Variants in LANCL2 observed in about 807,000 individuals in gnomAD.
LANCL2 encodes LanC like glutathione S-transferase 2, also known as lanC-like protein 2.
LANCL2 carries 33 observed loss-of-function variants against 56.9 expected under a neutral mutation model. The observed-to-expected ratio is 0.58, with a 90% CI of 0.44 to 0.78. The LOEUF is 0.78. Among genes scored for constraint, LANCL2 ranks in the 30% least tolerant of loss-of-function variants. The pLI is 0.00. For synonymous variants in LANCL2, 233 were observed against 228.2 expected, an observed-to-expected ratio of 1.02 and a Z score of -0.19; for missense variants, 562 against 580.2, an observed-to-expected ratio of 0.97 and a Z score of 0.32.
chr7:55,428,758 A>G (rs1367235288), intron 8 of LANCL2, among the ~76,000 whole-genome samples: 1 of 152,228 alleles, frequency 6.6e-6, no homozygotes, highest in East Asian at 1.9e-4. Flanking sequence ...GTAATGTTGC[A>G]TATTTAATAT....
chr7:55,386,441 C>T (rs1165672061), intron 1 of LANCL2, among the ~76,000 whole-genome samples: 1 of 152,218 alleles, frequency 6.6e-6, no homozygotes, highest in Non-Finnish European at 1.5e-5. Context: ...CTTCCCGCAA[C>T]ATGACTGTAT....
At chr7:55,421,904 T>C (rs896359194) in intron 6 of LANCL2, among the ~76,000 whole-genome samples, 3 of 152,088 alleles carry the variant, frequency 2.0e-5, no homozygotes, top group Admixed American at 6.5e-5. Flanking sequence ...ATTTAAAAAA[T>C]TGTTTTTGAA....
intron 6 of LANCL2, among the ~76,000 whole-genome samples, chr7:55,416,093 T>A (rs1790536198): frequency 6.6e-6 from 1 of 152,214 alleles, no homozygotes. Flanking sequence ...ATTGCCACTT[T>A]TTCCACAAGT....
intron 6 of LANCL2, 86 bp downstream of exon 6, chr7:55,412,175 T>C: frequency 8.0e-7 from 1 of 1,256,240 alleles, no homozygotes; most frequent in South Asian, 1.4e-5. Context: ...GGTAAGGCCA[T>C]TTGACTGTAC....
intron 5 of LANCL2, among the ~76,000 whole-genome samples, chr7:55,410,370 A>G (rs556089939): frequency 3.3e-5 from 5 of 152,356 alleles, no homozygotes; most frequent in Non-Finnish European, 7.3e-5. Flanking sequence ...AAGATTTTCT[A>G]CTAAGTATAG....
intron 7 of LANCL2, among the ~76,000 whole-genome samples, chr7:55,427,792 C>T (rs1027097346): frequency 2.6e-5 from 4 of 152,116 alleles, no homozygotes; most frequent in Admixed American, 1.3e-4. Flanking sequence ...TTTATTAAAA[C>T]GATATGGAAA....
chr7:55,407,429 T>C (rs1391799276), intron 5 of LANCL2, among the ~76,000 whole-genome samples: 1 of 152,182 alleles, frequency 6.6e-6, no homozygotes, highest in Non-Finnish European at 1.5e-5. Flanking sequence ...TAAGTACAGG[T>C]ATTTGAAAGC....
intron 7 of LANCL2, among the ~76,000 whole-genome samples, chr7:55,427,685 A>G (rs1013381835): frequency 1.1e-4 from 16 of 152,192 alleles, no homozygotes; most frequent in African/African-American, 3.6e-4. Flanking sequence ...GTTTCTTTTT[A>G]CGTGTGCTGA....
intron 1 of LANCL2, among the ~76,000 whole-genome samples, chr7:55,380,301 C>T (rs1238509894): frequency 6.6e-6 from 1 of 152,112 alleles, no homozygotes; most frequent in Non-Finnish European, 1.5e-5. Flanking sequence ...ATTTGCCCAT[C>T]TCTGAATGCT....
At chr7:55,373,769 T>C (rs2128991070) in intron 1 of LANCL2, among the ~76,000 whole-genome samples, 1 of 152,398 alleles carries the variant, frequency 6.6e-6, no homozygotes, top group African/African-American at 2.4e-5. Flanking sequence ...ATTCTGTATC[T>C]AGAATGTTAC....
chr7:55,374,622 T>A (rs1046907331), intron 1 of LANCL2, among the ~76,000 whole-genome samples: 17 of 152,294 alleles, frequency 1.1e-4, no homozygotes, highest in African/African-American at 4.1e-4. Flanking sequence ...ATTCATTTTG[T>A]TTGCAAAATG....
chr7:55,423,333 G>C (rs537079169), intron 6 of LANCL2, among the ~76,000 whole-genome samples: 67 of 152,332 alleles, frequency 4.4e-4, no homozygotes, highest in African/African-American at 1.5e-3. Flanking sequence ...CGCAGGGACG[G>C]CATGAAGGAA....
intron 2 of LANCL2, chr7:55,393,953 A>G (rs1364744895): frequency 6.6e-6 from 1 of 152,228 alleles, no homozygotes; most frequent in Non-Finnish European, 1.5e-5. Context: ...TCCCCTAACA[A>G]GCCTTTTATT....
chr7:55,402,186 G>C (rs1364944430), intron 5 of LANCL2, among the ~76,000 whole-genome samples: 13 of 150,490 alleles, frequency 8.6e-5, no homozygotes, highest in African/African-American at 3.2e-4. Flanking sequence ...TCACTTCCCA[G>C]TAGGGGCGGC....
At chr7:55,402,622 C>T (rs1205925689) in intron 5 of LANCL2, among the ~76,000 whole-genome samples, 7 of 120,380 alleles carry the variant, frequency 5.8e-5, no homozygotes, top group South Asian at 2.6e-4. Context: ...ACCTCCCTCC[C>T]GGATGGGGCG....
chr7:55,384,070 G>A (rs948602157), intron 1 of LANCL2, among the ~76,000 whole-genome samples: 2 of 151,776 alleles, frequency 1.3e-5, no homozygotes, highest in African/African-American at 4.8e-5. Flanking sequence ...AAATTATCCA[G>A]TGTGCAAAAC....
At chr7:55,421,339 CTT>C (rs11416515) in intron 6 of LANCL2, among the ~76,000 whole-genome samples, 5 of 104,640 alleles carry the variant, frequency 4.8e-5, no homozygotes, top group African/African-American at 1.5e-4. Context: ...TCTGTTGACT[CTT>C]TTTTTTTTTT....
At position 55,366,178 on chromosome 7, in the gene LANCL2, T is replaced by C. The variant is rs1228272132; in HGVS notation, c.153T>C (p.Arg51=). ...CGGCCGAAGAGACAGGCTGTGTTCGTCCCCCGGCGACCACGGATGAGCCCG... is the reference window on the plus strand; with the variant it reads ...CGGCCGAAGAGACAGGCTGTGTTCGCCCCCCGGCGACCACGGATGAGCCCG... The part of the protein sequence containing the change: ...SGAAEETGCV[R]PPATTDEPGL... Residue 51 remains arginine, a synonymous_variant, in exon 1 of 9, where the codon CGT becomes CGC. Transcript: ENST00000254770. 1 of 1,556,460 alleles carries C rather than the reference T, an allele frequency of 6.4e-7. No homozygotes were observed. Among genetic ancestry groups the C allele is most frequent in the Non-Finnish European group, 8.7e-7 (1 of 1,149,476 alleles).
intron 6 of LANCL2, among the ~76,000 whole-genome samples, chr7:55,414,166 G>A (rs1241972342): frequency 6.6e-6 from 1 of 152,194 alleles, no homozygotes; most frequent in African/African-American, 2.4e-5. Context: ...CAGAAAATAA[G>A]TGTAGACTAA....
Sources: allele counts gnomAD v4.1 joint callset (sites outside exome capture counted in the v4.1 genomes callset), GRCh38; gene constraint gnomAD v4.1.1; transcripts MANE v1.5; gene names NCBI Gene and HGNC (gene_info 2026-07-23, HGNC 2026-07-21).